MICAL3: variants seen among roughly 807,000 people sequenced by gnomAD.
MICAL3 encodes microtubule associated monooxygenase, calponin and LIM domain containing 3, also known as [F-actin]-monooxygenase MICAL3.
Under a neutral mutation model 207.4 loss-of-function variants are expected in MICAL3, and 62 were observed. The observed-to-expected ratio is 0.30, with a 90% CI of 0.24 to 0.37. MICAL3 has a LOEUF of 0.37. MICAL3 is among the 10% of genes least tolerant of loss of function. The probability of loss-of-function intolerance (pLI) is 1.00; values close to 1 mark genes in which losing one functional copy is unlikely to be tolerated. For synonymous variants in MICAL3, 1,077 were observed against 1,069.3 expected (o/e 1.01, Z -0.14); for missense variants, 2,368 against 2,635.6 (o/e 0.90, Z 2.22).
chr22:17,983,820 C>G (rs1253732110), intron 1 of MICAL3, among the ~76,000 whole-genome samples: 1 of 152,068 alleles, frequency 6.6e-6, no homozygotes, highest in Non-Finnish European at 1.5e-5. Flanking sequence ...CTAAAGGTGC[C>G]CTATCAGACT....
At chr22:17,860,960 T>A in intron 19 of MICAL3, 1 of 983,932 alleles carries the variant, frequency 1.0e-6, no homozygotes, top group Non-Finnish European at 1.2e-6. Flanking sequence ...TAAATAAATA[T>A]CTACCCATAT....
At chr22:17,992,790 T>A (rs142008937) in intron 1 of MICAL3, among the ~76,000 whole-genome samples, 1 of 152,320 alleles carries the variant, frequency 6.6e-6, no homozygotes, top group East Asian at 1.9e-4. Flanking sequence ...TTTTGCTCCC[T>A]GAACATTTAT....
chr22:17,801,363 C>T lies in MICAL3; in HGVS notation c.5650+7481G>A, dbSNP rs1808402510. Among the ~76,000 whole-genome samples, 2 of 56,580 alleles carry T rather than the reference C, an allele frequency of 3.5e-5. 1 individual carries two copies. Among genetic ancestry groups the T allele is most frequent in the South Asian group, 1.1e-3 (2 of 1,884 alleles). 37.1% of individuals were successfully genotyped at this position (56,580 alleles called of 152,430 possible). On this transcript the variant is annotated intron_variant, in intron 29 of 31. Transcript: ENST00000441493. The stretch of plus-strand genomic sequence containing the variant: ...AGAGACGGGGTTTCACCGTTTTAGC[C>T]GGGATGGTCTCGATCTCCTGACCTC...
intron 1 of MICAL3, among the ~76,000 whole-genome samples, chr22:18,023,600 C>A (rs1249107964): frequency 6.6e-6 from 1 of 152,256 alleles, no homozygotes; most frequent in Non-Finnish European, 1.5e-5. Flanking sequence ...ACACATGCAG[C>A]CTCCAGAAGT....
intron 1 of MICAL3, among the ~76,000 whole-genome samples, chr22:17,926,318 C>T (rs1428049460): frequency 6.6e-6 from 1 of 152,178 alleles, no homozygotes; most frequent in Admixed American, 6.5e-5. Flanking sequence ...AGGGGAGAAG[C>T]GTGAATCTGT....
chr22:17,956,425 G>A (rs960426945), intron 1 of MICAL3, among the ~76,000 whole-genome samples: 2 of 152,162 alleles, frequency 1.3e-5, no homozygotes, highest in East Asian at 1.9e-4. Flanking sequence ...TATAATCCCC[G>A]CACTTTGGGA....
rs1041132328 is a variant in MICAL3 at position 17,789,293 on chromosome 22, A to C, written c.*1439T>G. ...GGTGAATCTTAGGCTGGGAGGAGGG[A>C]ATTCTCACCAGCCACATGATTCCAG... On this transcript the variant is annotated 3_prime_UTR_variant, in exon 32 of 32. Transcript: ENST00000441493. The C allele has an allele frequency of 2.2e-4, 33 of 152,174 alleles. No homozygotes were observed. Among genetic ancestry groups the C allele is most frequent in the African/African-American group, 7.2e-4 (30 of 41,432 alleles). The allele number at this position is 152,174 out of a possible 1,614,324, so 9.4% of individuals were successfully genotyped here.
At chr22:17,856,131 G>A (rs1457689916) in intron 19 of MICAL3, among the ~76,000 whole-genome samples, 1 of 152,248 alleles carries the variant, frequency 6.6e-6, no homozygotes. Flanking sequence ...CGCTGCTGCC[G>A]CTACTGTGTG....
At chr22:17,924,070 A>G (rs1295607487) in intron 1 of MICAL3, among the ~76,000 whole-genome samples, 2 of 152,188 alleles carry the variant, frequency 1.3e-5, no homozygotes, top group Non-Finnish European at 2.9e-5. Flanking sequence ...AGAACTCACT[A>G]TCACAAGAAA....
At chr22:17,967,502 ACC>A (rs575925661) in intron 1 of MICAL3, among the ~76,000 whole-genome samples, 3,995 of 108,816 alleles carry the variant, frequency 0.037, 67 homozygotes, top group Middle Eastern at 0.067. Flanking sequence ...ACCCACACAC[ACC>A]CACTCATGCC....
At chr22:17,823,281 G>C (rs970839229) in intron 22 of MICAL3, among the ~76,000 whole-genome samples, 1 of 152,222 alleles carries the variant, frequency 6.6e-6, no homozygotes, top group Admixed American at 6.5e-5. Flanking sequence ...TCAATGCTAG[G>C]GGCCAAGTGG....
At position 17,900,725 on chromosome 22, in the gene MICAL3, G is replaced by T; in HGVS notation, c.847+117C>A. 1.3e-6 allele frequency: 1 copy of T among 773,626 alleles called. No homozygotes were observed. 47.9% of individuals were successfully genotyped at this position (773,626 alleles called of 1,614,324 possible). ...AGGAACAGGAGTGAAAAGAGCAGGA[G>T]GGGCAGACAGTGCAGGAGGGACACC... On this transcript the variant is annotated intron_variant, in intron 6 of 31. Coordinates refer to ENST00000441493, the MANE Select transcript of MICAL3 (RefSeq NM_015241.3). This position sits in a 1 kb window ranked among gnomAD's most constrained non-coding sequence, Gnocchi z 4.0.
At chr22:17,861,783 C>G in intron 19 of MICAL3, 1 of 985,154 alleles carries the variant, frequency 1.0e-6, no homozygotes, top group African/African-American at 1.7e-5. Context: ...ATTAAAAGCA[C>G]ATTACAAACA....
chr22:17,871,826 G>C lies in MICAL3; in HGVS notation c.2428+11C>G. 1 of 1,594,082 alleles carries C rather than the reference G, an allele frequency of 6.3e-7. No homozygotes were observed. Among genetic ancestry groups the C allele is most frequent in the Non-Finnish European group, 8.5e-7 (1 of 1,169,616 alleles). The stretch of plus-strand genomic sequence containing the variant: ...GTTTCTCAGTGGGGCCGGAGGCGCA[G>C]GGTGTCTCACCATCCTCGATGTCGT... On this transcript the variant is annotated intron_variant, in intron 17 of 31. Coordinates refer to ENST00000441493, the MANE Select transcript of MICAL3 (RefSeq NM_015241.3).
intron 1 of MICAL3, among the ~76,000 whole-genome samples, chr22:17,920,750 A>G (rs5746496): frequency 0.73 from 111,608 of 151,898 alleles, 41,586 homozygotes; most frequent in African/African-American, 0.85. Context: ...AGTCAAACCC[A>G]CCACCCACCA....
chr22:17,899,218 T>C (rs960126010), intron 7 of MICAL3: 6 of 580,918 alleles, frequency 1.0e-5, no homozygotes, highest in Non-Finnish European at 1.9e-5. Flanking sequence ...AGCTGGACGG[T>C]AGGTACGTGA....
chr22:17,792,559 G>T (rs1023719952), intron 29 of MICAL3, among the ~76,000 whole-genome samples: 2 of 152,208 alleles, frequency 1.3e-5, no homozygotes, highest in African/African-American at 4.8e-5. Flanking sequence ...ACTGCTAGCT[G>T]CCTTTCTCCA....
intron 1 of MICAL3, among the ~76,000 whole-genome samples, chr22:18,022,115 C>T (rs766943320): frequency 5.3e-5 from 8 of 152,136 alleles, no homozygotes; most frequent in Admixed American, 1.3e-4. Flanking sequence ...ATTGTGAACT[C>T]GCTGTGGAGT....
chr22:17,934,080 T>A (rs1156787571), intron 1 of MICAL3, among the ~76,000 whole-genome samples: 1 of 152,142 alleles, frequency 6.6e-6, no homozygotes, highest in Non-Finnish European at 1.5e-5. Flanking sequence ...CTGAAACTAT[T>A]CCAATCAACA....
Sources: allele counts gnomAD v4.1 joint callset (sites outside exome capture counted in the v4.1 genomes callset), GRCh38; gene constraint gnomAD v4.1.1; non-coding constraint Gnocchi (gnomAD v3.1); transcripts MANE v1.5; gene names NCBI Gene and HGNC (gene_info 2026-07-23, HGNC 2026-07-21).